SCN8A: variants seen among roughly 807,000 people sequenced by gnomAD.
SCN8A encodes the protein sodium channel protein type 8 subunit alpha.
SCN8A carries 30 observed loss-of-function variants against 184.1 expected under a neutral mutation model. That is an observed-to-expected ratio of 0.16 (90% CI 0.12 to 0.22). The LOEUF is 0.22. Ranked by LOEUF, SCN8A falls within the 10% of genes least tolerant of loss-of-function variation. The probability of loss-of-function intolerance (pLI) is 1.00; values close to 1 mark genes in which losing one functional copy is unlikely to be tolerated. For synonymous variants in SCN8A, 852 were observed against 907.0 expected, an observed-to-expected ratio of 0.94 and a Z score of 1.09; for missense variants, 1,057 against 2,498.9, an observed-to-expected ratio of 0.42 and a Z score of 12.30.
At chr12:51,677,076 A>G (rs1384751326) in intron 2 of SCN8A, among the ~76,000 whole-genome samples, 4 of 146,282 alleles carry the variant, frequency 2.7e-5, no homozygotes, top group African/African-American at 1.0e-4. Context: ...ATTTTATTTT[A>G]TTTTATTTTA....
intron 2 of SCN8A, among the ~76,000 whole-genome samples, chr12:51,679,217 A>G (rs1308321980): frequency 1.3e-5 from 2 of 152,220 alleles, no homozygotes. Flanking sequence ...AGCCTGGACA[A>G]CATAGCAAGA....
At chr12:51,728,659 T>C (rs531217272) in intron 12 of SCN8A, among the ~76,000 whole-genome samples, 3 of 149,386 alleles carry the variant, frequency 2.0e-5, no homozygotes, top group South Asian at 2.1e-4. Context: ...CACTTGAGCC[T>C]GGGAGGTCAA....
Position 51,733,465 on chromosome 12 carries a change from G to T in SCN8A, c.1998+11557G>T, listed in dbSNP as rs1470829017. On this transcript the variant is annotated intron_variant, in intron 12 of 26. Transcript: ENST00000627620. ...GTTGAACTTGGTTTGCTAGTATTTTGTTGGGGTTTTTTTGGAAATGTATTT... is the reference window on the plus strand; with the variant it reads ...GTTGAACTTGGTTTGCTAGTATTTTTTTGGGGTTTTTTTGGAAATGTATTT... 1.3e-5 allele frequency among the ~76,000 whole-genome samples: 2 copies of T among 152,036 alleles called. 1 individual carries two copies. Among genetic ancestry groups the T allele is most frequent in the South Asian group, 4.1e-4 (2 of 4,824 alleles).
At chr12:51,635,039 A>G (rs534472349) in intron 1 of SCN8A, among the ~76,000 whole-genome samples, 10 of 152,388 alleles carry the variant, frequency 6.6e-5, no homozygotes, top group South Asian at 6.2e-4. Context: ...GACTGACAGA[A>G]TAGTCTACAA....
At chr12:51,735,581 A>G (rs554204630) in intron 12 of SCN8A, among the ~76,000 whole-genome samples, 105 of 152,274 alleles carry the variant, frequency 6.9e-4, no homozygotes, top group Non-Finnish European at 9.3e-4. Context: ...CATAGCTACC[A>G]TTAAATTATT....
intron 26 of SCN8A, among the ~76,000 whole-genome samples, chr12:51,795,554 C>T (rs1048210026): frequency 1.5e-4 from 23 of 152,156 alleles, no homozygotes; most frequent in Non-Finnish European, 2.9e-4. Flanking sequence ...CAGGGGTCTC[C>T]CCTTGGCCTG....
At chr12:51,757,905 T>C (rs1195233940) in intron 14 of SCN8A, among the ~76,000 whole-genome samples, 1 of 152,242 alleles carries the variant, frequency 6.6e-6, no homozygotes, top group Non-Finnish European at 1.5e-5. Context: ...TCAGGACTCC[T>C]TTATACTCTT....
At chr12:51,674,127 A>G (rs1396580509) in intron 2 of SCN8A, among the ~76,000 whole-genome samples, 1 of 152,194 alleles carries the variant, frequency 6.6e-6, no homozygotes, top group Non-Finnish European at 1.5e-5. Context: ...GCCTAGAGGC[A>G]GGTTGGAGCC....
chr12:51,705,768 G>T (rs1383596624), intron 10 of SCN8A, 145 bp downstream of exon 10: 1 of 707,872 alleles, frequency 1.4e-6, no homozygotes, highest in Non-Finnish European at 2.3e-6. Context: ...AGTAACAACT[G>T]CAGATGGTTG....
chr12:51,710,185 A>G (rs1000471808), intron 11 of SCN8A, among the ~76,000 whole-genome samples: 30 of 152,146 alleles, frequency 2.0e-4, no homozygotes, highest in Admixed American at 2.0e-3. Flanking sequence ...ATTAAGTCCC[A>G]ACTCCTTACC....
At chr12:51,709,923 C>A (rs4762003) in intron 11 of SCN8A, among the ~76,000 whole-genome samples, 1 of 151,944 alleles carries the variant, frequency 6.6e-6, no homozygotes, top group Non-Finnish European at 1.5e-5. Flanking sequence ...GAAGATAACC[C>A]CTGACAGTTT....
At chr12:51,688,622 G>A in intron 5 of SCN8A, 1 of 650,648 alleles carries the variant, frequency 1.5e-6, no homozygotes, top group Non-Finnish European at 2.7e-6. Context: ...TTCCTTAAAT[G>A]TTTGTATTTT....
chr12:51,639,738 C>T (rs1342212384), intron 1 of SCN8A, among the ~76,000 whole-genome samples: 4 of 151,834 alleles, frequency 2.6e-5, no homozygotes, highest in Non-Finnish European at 5.9e-5. Flanking sequence ...CGGCAACCAC[C>T]ACCCTGATCA....
chr12:51,688,834 A>G, intron 5 of SCN8A, 171 bp from the exon 6 acceptor site: 1 of 1,613,480 alleles, frequency 6.2e-7, no homozygotes, highest in Non-Finnish European at 8.5e-7. Context: ...TTTGAAAACT[A>G]TTTCGGTAAT....
At chr12:51,686,554 T>A in intron 4 of SCN8A, 97 bp downstream of exon 4, 4 of 759,582 alleles carry the variant, frequency 5.3e-6, no homozygotes, top group African/African-American at 1.8e-5. Context: ...AGAAAAAAAA[T>A]TAGTTATTGC....
At chr12:51,726,524 A>G (rs192033615) in intron 12 of SCN8A, among the ~76,000 whole-genome samples, 2 of 152,290 alleles carry the variant, frequency 1.3e-5, no homozygotes, top group East Asian at 3.9e-4. Flanking sequence ...ATTAACCATT[A>G]CAATATACTA....
intron 1 of SCN8A, among the ~76,000 whole-genome samples, chr12:51,615,962 C>T (rs1394611795): frequency 6.6e-6 from 1 of 152,076 alleles, no homozygotes; most frequent in East Asian, 1.9e-4. Flanking sequence ...AAACTCTTGG[C>T]CTCCAGCAGT....
At chr12:51,725,954 T>C (rs1942148759) in intron 12 of SCN8A, among the ~76,000 whole-genome samples, 1 of 152,200 alleles carries the variant, frequency 6.6e-6, no homozygotes, top group Admixed American at 6.5e-5. Context: ...CAGAGTGGCA[T>C]AGGAGCCACT....
At chr12:51,741,743 T>A in intron 12 of SCN8A, among the ~76,000 whole-genome samples, 1 of 152,204 alleles carries the variant, frequency 6.6e-6, no homozygotes, top group Non-Finnish European at 1.5e-5. Flanking sequence ...AGAGTTTCAC[T>A]CTTGTTGCCC....
Sources: allele counts gnomAD v4.1 joint callset (sites outside exome capture counted in the v4.1 genomes callset), GRCh38; gene constraint gnomAD v4.1.1; transcripts MANE v1.5; gene names NCBI Gene and HGNC (gene_info 2026-07-23, HGNC 2026-07-21).